The following KCNK9 variants were observed in gnomAD, a reference collection of about 807,000 sequenced individuals.
KCNK9 encodes potassium two pore domain channel subfamily K member 9.
A neutral mutation model predicts 10.8 loss-of-function variants in KCNK9; 1 was observed. The observed-to-expected ratio is 0.09, with a 90% CI of 0.03 to 0.44. The LOEUF (loss-of-function observed/expected upper bound fraction) is 0.44, where lower values mean the gene tolerates loss of function less well. Among genes scored for constraint, KCNK9 ranks in the 20% least tolerant of loss-of-function variants. The pLI, the probability that KCNK9 is intolerant of heterozygous loss-of-function variation, is 0.97. For synonymous variants in KCNK9, 231 were observed against 222.7 expected (o/e 1.04, Z -0.33); for missense variants, 303 against 515.0 (o/e 0.59, Z 3.98).
chr8:139,675,871 G>A (rs1310936268), intron 1 of KCNK9, among the ~76,000 whole-genome samples: 3 of 152,102 alleles, frequency 2.0e-5, no homozygotes, highest in East Asian at 3.9e-4. Flanking sequence ...ATTTCCTCTT[G>A]GGCACACAGA....
At position 139,702,768 on chromosome 8, in the gene KCNK9, G is replaced by T. The variant is rs1391263453; in HGVS notation, c.225C>A (p.Gly75=). Residue 75 remains glycine, a synonymous_variant, in exon 1 of 2, where the codon GGC becomes GGA. Coordinates refer to ENST00000520439, the MANE Select transcript of KCNK9 (RefSeq NM_001282534.2). This position sits in a 1 kb window ranked among gnomAD's most constrained non-coding sequence, Gnocchi z 7.5. ...AGGAGCCGGCGAATTTCCACTGGAC[G>T]CCGGCGCGGTGCGGTTCCGACTGCA... is the stretch of plus-strand genomic sequence containing the variant. ...VILQSEPHRA[G]VQWKFAGSFY... The T allele has an allele frequency of 1.2e-6, 2 of 1,613,212 alleles. No homozygotes were observed. Among genetic ancestry groups the T allele is most frequent in the East Asian group, 2.2e-5 (1 of 44,824 alleles).
At chr8:139,610,378 A>T (rs1814383997), downstream of KCNK9, among the ~76,000 whole-genome samples, 1 of 152,338 alleles carries the variant, frequency 6.6e-6, no homozygotes, top group East Asian at 1.9e-4. Flanking sequence ...TTTTCATGAA[A>T]TCAATCAGGA....
chr8:139,682,985 TC>T (rs1403072900), intron 1 of KCNK9, among the ~76,000 whole-genome samples: 2 of 152,122 alleles, frequency 1.3e-5, no homozygotes, highest in Non-Finnish European at 2.9e-5. Context: ...TGTCCAGGCC[TC>T]CTGGGACTGG....
chr8:139,671,238 G>C (rs963006421), intron 1 of KCNK9, among the ~76,000 whole-genome samples: 14 of 152,248 alleles, frequency 9.2e-5, no homozygotes, highest in African/African-American at 3.4e-4. Context: ...TTCTGTGGCA[G>C]CGGGCACATC....
intron 1 of KCNK9, among the ~76,000 whole-genome samples, chr8:139,658,447 G>A (rs770242157): frequency 1.6e-4 from 24 of 152,286 alleles, no homozygotes; most frequent in Admixed American, 3.3e-4. Flanking sequence ...AACCAGATGC[G>A]GGCCTCAGGC....
intron 1 of KCNK9, among the ~76,000 whole-genome samples, chr8:139,679,057 C>T (rs1170406221): frequency 6.6e-6 from 1 of 152,262 alleles, no homozygotes; most frequent in South Asian, 2.1e-4. Context: ...ACTTCATAGT[C>T]GTAAGCATCA....
intron 1 of KCNK9, among the ~76,000 whole-genome samples, chr8:139,632,679 C>T (rs1345727044): frequency 6.6e-6 from 1 of 152,128 alleles, no homozygotes; most frequent in Non-Finnish European, 1.5e-5. Flanking sequence ...CCATTCCCCC[C>T]GCTCCCTCCC....
chr8:139,629,657 G>A (rs1006660393), intron 1 of KCNK9, among the ~76,000 whole-genome samples: 1 of 152,024 alleles, frequency 6.6e-6, no homozygotes, highest in Non-Finnish European at 1.5e-5. Flanking sequence ...CAGTTCTGGA[G>A]CCTAGAACTC....
intron 1 of KCNK9, among the ~76,000 whole-genome samples, chr8:139,654,197 T>C (rs1815950658): frequency 6.6e-6 from 1 of 152,286 alleles, no homozygotes; most frequent in African/African-American, 2.4e-5. Flanking sequence ...CTGAATTTTC[T>C]GCCTGTATAT....
chr8:139,614,986 C>T (rs114913768), downstream of KCNK9, among the ~76,000 whole-genome samples: 153 of 152,316 alleles, frequency 1.0e-3, no homozygotes, highest in African/African-American at 3.3e-3. Flanking sequence ...TTGAACCCTA[C>T]ATCCAAGCAG....
intron 1 of KCNK9, among the ~76,000 whole-genome samples, chr8:139,689,267 G>A (rs561068798): frequency 2.0e-4 from 30 of 152,312 alleles, no homozygotes; most frequent in Middle Eastern, 6.8e-3. Flanking sequence ...AAACTGAAAC[G>A]AATCCAAAGG....
chr8:139,604,762 C>A (rs1161252975), intron 2 of KCNK9, among the ~76,000 whole-genome samples: 2 of 152,134 alleles, frequency 1.3e-5, no homozygotes, highest in African/African-American at 4.8e-5. Flanking sequence ...CTGGATGAGC[C>A]CTGGGTAGGC....
At chr8:139,653,698 A>G (rs1815935450) in intron 1 of KCNK9, among the ~76,000 whole-genome samples, 1 of 152,222 alleles carries the variant, frequency 6.6e-6, no homozygotes, top group Non-Finnish European at 1.5e-5. Context: ...AACGCAAATC[A>G]GACAACACAA....
At chr8:139,653,885 A>G (rs562272396) in intron 1 of KCNK9, among the ~76,000 whole-genome samples, 1 of 152,288 alleles carries the variant, frequency 6.6e-6, no homozygotes, top group East Asian at 1.9e-4. Flanking sequence ...GTAGCCAGGG[A>G]CCTCACCAAT....
chr8:139,626,798 A>G (rs1316929909), intron 1 of KCNK9, among the ~76,000 whole-genome samples: 2 of 152,230 alleles, frequency 1.3e-5, no homozygotes, highest in Non-Finnish European at 2.9e-5. Flanking sequence ...TTGTGCCGGT[A>G]AGAATTAAAA....
At chr8:139,672,820 G>A (rs1445673354) in intron 1 of KCNK9, among the ~76,000 whole-genome samples, 8 of 152,208 alleles carry the variant, frequency 5.3e-5, no homozygotes, top group African/African-American at 9.6e-5. Context: ...GTGTGCGGGC[G>A]GGGAAGGGCC....
At chr8:139,695,520 A>C (rs997889694) in intron 1 of KCNK9, among the ~76,000 whole-genome samples, 1 of 152,176 alleles carries the variant, frequency 6.6e-6, no homozygotes, top group East Asian at 1.9e-4. Context: ...GCACTGACCT[A>C]AAAAGGGAGA....
chr8:139,621,714 CTT>C (rs1193265445), intron 1 of KCNK9, among the ~76,000 whole-genome samples: 3 of 152,122 alleles, frequency 2.0e-5, no homozygotes, highest in African/African-American at 7.2e-5. Context: ...CATATGGAAA[CTT>C]AAGTCTTCAG....
intron 1 of KCNK9, among the ~76,000 whole-genome samples, chr8:139,686,433 C>T (rs555419495): frequency 1.3e-5 from 2 of 152,126 alleles, no homozygotes; most frequent in South Asian, 4.1e-4. Context: ...AACAAACAAA[C>T]CCATCAAAAA....
Sources: gnomAD v4.1 joint callset for allele counts (sites outside exome capture counted in the v4.1 genomes callset) on GRCh38, gnomAD v4.1.1 for gene constraint, Gnocchi (gnomAD v3.1) non-coding constraint, MANE v1.5 for transcripts, NCBI Gene and HGNC (gene_info 2026-07-23, HGNC 2026-07-21) for gene names.